The following CDCA3 variants were observed in gnomAD, a reference collection of about 807,000 sequenced individuals.
CDCA3 encodes the protein cell division cycle-associated protein 3.
A neutral mutation model predicts 29.1 loss-of-function variants in CDCA3; 16 were observed. The observed-to-expected ratio is 0.55, with a 90% CI of 0.37 to 0.83. The LOEUF is 0.83. Ranked by LOEUF, CDCA3 falls within the 40% of genes least tolerant of loss-of-function variation. CDCA3 has a pLI of 0.00. For missense variants in CDCA3, 291 were observed against 327.2 expected, an observed-to-expected ratio of 0.89 and a Z score of 0.85; for synonymous variants, 88 against 124.5, an observed-to-expected ratio of 0.71 and a Z score of 1.95.
In CDCA3 at chr12:6,849,657, GA is replaced by G. The variant is rs1943789637; in HGVS notation, c.451del (p.Ser151ProfsTer46). ...QTEFPSKQVF[S>X]KEEARQPTET... is the part of the protein sequence containing the mutation. ...TGTGGGCTGTCTTGCTTCCTCCTTGGAAAACACCTGTTTGGAGGGGAACTCA... is the reference window on the plus strand; with the variant it reads ...TGTGGGCTGTCTTGCTTCCTCCTTGGAAACACCTGTTTGGAGGGGAACTCA... On this transcript the variant is annotated frameshift_variant, in exon 4 of 6. Coordinates refer to ENST00000538862, the MANE Select transcript of CDCA3 (RefSeq NM_031299.7). LOFTEE classifies it high-confidence loss of function. The surrounding 1 kb of genome is among the most constrained non-coding windows in gnomAD (Gnocchi z 5.2). The G allele has an allele frequency of 1.2e-6, 2 of 1,614,098 alleles. No individual in the cohort carries two copies. The highest frequency in any genetic ancestry group is 1.7e-6 in the Non-Finnish European group (2 of 1,180,010).
chr12:6,845,855 C>A (rs1591592759), downstream of CDCA3: 2 of 1,255,420 alleles, frequency 1.6e-6, no homozygotes, highest in East Asian at 2.3e-5. Flanking sequence ...CCTCCCCAGC[C>A]CTCCCTCCCC....
At chr12:6,848,736 A>G, downstream of CDCA3, 1 of 367,610 alleles carries the variant, frequency 2.7e-6, no homozygotes, top group Non-Finnish European at 4.9e-6. Flanking sequence ...ATGTGCAAAG[A>G]AGGCTCAGAG....
At position 6,850,602 on chromosome 12, in the gene CDCA3, A is replaced by C; in HGVS notation, c.121-6T>G. The C allele has an allele frequency of 6.2e-7, 1 of 1,614,062 alleles. No homozygotes were observed. Among genetic ancestry groups the C allele is most frequent in the Non-Finnish European group, 8.5e-7 (1 of 1,180,000 alleles). On this transcript the variant is annotated splice_polypyrimidine_tract_variant and splice_region_variant and intron_variant, in intron 2 of 5. Coordinates refer to ENST00000538862, the MANE Select transcript of CDCA3 (RefSeq NM_031299.7). This position sits in a 1 kb window ranked among gnomAD's most constrained non-coding sequence, Gnocchi z 4.7. ...GGCTGTGGAGAGCTCTCCACCTGTCAAGACCATAGGCTAGAACAAGTCTGG... is the reference window on the plus strand; with the variant it reads ...GGCTGTGGAGAGCTCTCCACCTGTCCAGACCATAGGCTAGAACAAGTCTGG...
downstream of CDCA3, chr12:6,847,016 C>T (rs5445): frequency 0.057 from 37,517 of 658,528 alleles, 4,634 homozygotes; most frequent in East Asian, 0.32. Context: ...TAAGCTTTCT[C>T]CTTTGAGGGC....
chr12:6,850,875 G>T lies in CDCA3; in HGVS notation c.78C>A (p.Asp26Glu), dbSNP rs782795902. 2 of 1,613,702 alleles carry T rather than the reference G, an allele frequency of 1.2e-6. No homozygotes were observed. ...GGATGCCAGCACTAGGTGAACGGGGGTCCGCCACTCGAGCCAGATGCTTGT... is the reference window on the plus strand; with the variant it reads ...GGATGCCAGCACTAGGTGAACGGGGTTCCGCCACTCGAGCCAGATGCTTGT... Reference protein sequence around the residue: ...PHNKHLARVADPRSPSAGILR... With the variant: ...PHNKHLARVAEPRSPSAGILR... The change falls in exon 2 of 6, where the codon GAC becomes GAA. Residue 26 changes from aspartate (D) to glutamate (E), a missense_variant. Physicochemically the swap from Asp to Glu is conservative, Grantham distance 45. Coordinates refer to ENST00000538862, the MANE Select transcript of CDCA3 (RefSeq NM_031299.7). This position sits in a 1 kb window ranked among gnomAD's most constrained non-coding sequence, Gnocchi z 4.7.
In CDCA3 at chr12:6,849,110, C is replaced by T; in HGVS notation, c.740G>A (p.Gly247Glu). The stretch of plus-strand genomic sequence containing the variant: ...GTCCTGGCCTTGCTCCCATGCTCGT[C>T]CTCCAGTTTTCAGAAGTCGTCCAGT... ...LGTGRLLKTGGRAWEQGQDHD... is the reference protein window; with the variant it reads ...LGTGRLLKTGERAWEQGQDHD... Residue 247 changes from glycine (G) to glutamate (E), a missense_variant, in exon 6 of 6, where the codon GGA becomes GAA. Physicochemically the swap from Gly to Glu is moderately conservative, Grantham distance 98. Coordinates refer to ENST00000538862, the MANE Select transcript of CDCA3 (RefSeq NM_031299.7). The surrounding 1 kb of genome is among the most constrained non-coding windows in gnomAD (Gnocchi z 5.2). 6.5e-7 allele frequency: 1 copy of T among 1,533,178 alleles called. No homozygotes were observed. The highest frequency in any genetic ancestry group is 9.0e-7 in the Non-Finnish European group (1 of 1,106,098). The allele number at this position is 1,533,178 out of a possible 1,614,324, so 95.0% of individuals were successfully genotyped here. A position where few individuals can be genotyped will look rare whatever the true frequency, so the allele number is the denominator to read the frequency against.
chr12:6,850,967 G>A lies in CDCA3; in HGVS notation c.-15C>T. On this transcript the variant is annotated 5_prime_UTR_variant, in exon 2 of 6. Coordinates refer to ENST00000538862, the MANE Select transcript of CDCA3 (RefSeq NM_031299.7). The surrounding 1 kb of genome is among the most constrained non-coding windows in gnomAD (Gnocchi z 4.7). ...GCTGAGCCCATCTCAACCAGGAGTT[G>A]CAGGGTGGGGGCAAGGGCCAGCCCG... is the stretch of plus-strand genomic sequence containing the variant. 6.2e-7 allele frequency: 1 copy of A among 1,604,628 alleles called. No homozygotes were observed. Among genetic ancestry groups the A allele is most frequent in the Non-Finnish European group, 8.5e-7 (1 of 1,178,686 alleles).
At chr12:6,846,818 G>A (rs1943714312), downstream of CDCA3, 4 of 1,599,058 alleles carry the variant, frequency 2.5e-6, no homozygotes, top group South Asian at 1.1e-5. Flanking sequence ...CGATAACAGG[G>A]TGAGCTGCCT....
chr12:6,851,187 T>C (rs968904118), intron 1 of CDCA3, 35 bp downstream of exon 1: 81 of 1,333,150 alleles, frequency 6.1e-5, no homozygotes, highest in Non-Finnish European at 7.5e-5. Flanking sequence ...TGCTGAGCCC[T>C]CTAACTTATT....
Position 6,850,832 on chromosome 12 carries a change from C to T in CDCA3, c.120+1G>A. 6.2e-7 allele frequency: 1 copy of T among 1,613,730 alleles called. No homozygotes were observed. On this transcript the variant is annotated splice_donor_variant, in intron 2 of 5. Coordinates refer to ENST00000538862, the MANE Select transcript of CDCA3 (RefSeq NM_031299.7). LOFTEE classifies it high-confidence loss of function. The surrounding 1 kb of genome is among the most constrained non-coding windows in gnomAD (Gnocchi z 4.7). ...GCCTTTCCCACGCTGGCCCAGAGTA[C>T]CTGGATGGGAGTGCGCAGGATGCCA...
Position 6,848,888 on chromosome 12 carries a change from CAAAG to C in CDCA3, c.*151_*154del, listed in dbSNP as rs1943757298. On this transcript the variant is annotated 3_prime_UTR_variant, in exon 6 of 6. Coordinates refer to ENST00000538862, the MANE Select transcript of CDCA3 (RefSeq NM_031299.7). Reference sequence around the variant, plus strand: ...TAATATAAAAGAAACACACAAGACACAAAGAAAGCCCAATAAAGCTGTGAGTCCC... The same window carrying C: ...TAATATAAAAGAAACACACAAGACACAAAGCCCAATAAAGCTGTGAGTCCC... The C allele has an allele frequency of 1.7e-6, 1 of 591,494 alleles. No homozygotes were observed. Among genetic ancestry groups the C allele is most frequent in the African/African-American group, 1.9e-5 (1 of 53,474 alleles). The allele number at this position is 591,494 out of a possible 1,614,324, so 36.6% of individuals were successfully genotyped here.
downstream of CDCA3, chr12:6,848,363 GCAAA>G (rs1377469653): frequency 3.9e-5 from 6 of 152,126 alleles, no homozygotes; most frequent in Non-Finnish European, 5.9e-5. Context: ...TAAAAAACAA[GCAAA>G]CAAACAAAAT....
chr12:6,845,990 G>A, downstream of CDCA3: 1 of 593,160 alleles, frequency 1.7e-6, no homozygotes, highest in Admixed American at 2.8e-5. Flanking sequence ...CCTCAGTGTT[G>A]CTCTAAGCAG....
At position 6,849,841 on chromosome 12, in the gene CDCA3, C is replaced by G; in HGVS notation, c.268G>C (p.Val90Leu). 1 of 1,544,854 alleles carries G rather than the reference C, an allele frequency of 6.5e-7. No homozygotes were observed. The highest frequency in any genetic ancestry group is 8.7e-7 in the Non-Finnish European group (1 of 1,143,640). ...TCAAATACTTCACTCAGCTGTTTCA[C>G]CAGTGGGCTTGGGGGGTCTAGAGGA... ...TSSGDPPSPL[V>L]KQLSEVFETE... The change falls in exon 4 of 6, where the codon GTG becomes CTG. Residue 90 changes from valine (V) to leucine (L), a missense_variant. Physicochemically the swap from Val to Leu is conservative, Grantham distance 32. Transcript: ENST00000538862. This position sits in a 1 kb window ranked among gnomAD's most constrained non-coding sequence, Gnocchi z 5.2.
In CDCA3 at chr12:6,850,691, T is replaced by G; in HGVS notation, c.121-95A>C. On this transcript the variant is annotated intron_variant, in intron 2 of 5. Coordinates refer to ENST00000538862, the MANE Select transcript of CDCA3 (RefSeq NM_031299.7). This position sits in a 1 kb window ranked among gnomAD's most constrained non-coding sequence, Gnocchi z 4.7. Reference sequence around the variant, plus strand: ...AAGGAATTGCCAAGGCCCTCAGATATCCAGCCTACCCCACACAGATTGAGA... The same window carrying G: ...AAGGAATTGCCAAGGCCCTCAGATAGCCAGCCTACCCCACACAGATTGAGA... The G allele has an allele frequency of 6.3e-7, 1 of 1,595,182 alleles. No homozygotes were observed. The highest frequency in any genetic ancestry group is 8.6e-7 in the Non-Finnish European group (1 of 1,166,714).
chr12:6,848,861 T>C lies in CDCA3; in HGVS notation c.*182A>G. Reference sequence around the variant, plus strand: ...TAAAGTAACATTTAAAATTACTTCCTTTAATATAAAAGAAACACACAAGAC... The same window carrying C: ...TAAAGTAACATTTAAAATTACTTCCCTTAATATAAAAGAAACACACAAGAC... On this transcript the variant is annotated 3_prime_UTR_variant, in exon 6 of 6. Coordinates refer to ENST00000538862, the MANE Select transcript of CDCA3 (RefSeq NM_031299.7). The C allele has an allele frequency of 1.7e-6, 1 of 581,138 alleles. No individual in the cohort carries two copies. The highest frequency in any genetic ancestry group is 3.0e-6 in the Non-Finnish European group (1 of 328,346). The allele number at this position is 581,138 out of a possible 1,614,324, so 36.0% of individuals were successfully genotyped here.
At chr12:6,845,648 C>T (rs2234757), downstream of CDCA3, 9,151 of 1,613,990 alleles carry the variant, frequency 5.7e-3, 415 homozygotes, top group Admixed American at 0.098. Flanking sequence ...GCTTGTTTGA[C>T]CTGCGGGCAG....
Position 6,848,996 on chromosome 12 carries a change from GAT to G in CDCA3, c.*45_*46del, listed in dbSNP as rs1555125457. 2 of 775,730 alleles carry G rather than the reference GAT, an allele frequency of 2.6e-6. No individual in the cohort carries two copies. The highest frequency in any genetic ancestry group is 3.4e-5 in the African/African-American group (2 of 58,746). The allele number at this position is 775,730 out of a possible 1,614,324, so 48.1% of individuals were successfully genotyped here. On this transcript the variant is annotated 3_prime_UTR_variant, in exon 6 of 6. Transcript: ENST00000538862. ...GGGAAAGAAGGGGTGAGAGGACACA[GAT>G]ATCACCAGGCCCTGGGTGACTGCAT...
chr12:6,845,265 G>A, downstream of CDCA3: 1 of 333,112 alleles, frequency 3.0e-6, no homozygotes, highest in Non-Finnish European at 5.7e-6. Flanking sequence ...GCCCACTTGT[G>A]TAGTCTGGGA....
Sources: allele counts gnomAD v4.1 joint callset, GRCh38; gene constraint gnomAD v4.1.1; non-coding constraint Gnocchi (gnomAD v3.1); transcripts MANE v1.5; gene names NCBI Gene and HGNC (gene_info 2026-07-23, HGNC 2026-07-21).